KANK2: variants seen among roughly 807,000 people sequenced by gnomAD.
The protein encoded by KANK2 is KN motif and ankyrin repeat domain-containing protein 2.
KANK2 carries 41 observed loss-of-function variants against 74.6 expected under a neutral mutation model. The ratio of observed to expected loss-of-function variants is 0.55; its 90% CI spans 0.43 to 0.71. The LOEUF is 0.71. Among genes scored for constraint, KANK2 ranks in the 30% least tolerant of loss-of-function variants. The probability of loss-of-function intolerance (pLI) is 0.00; values close to 1 mark genes in which losing one functional copy is unlikely to be tolerated. For synonymous variants in KANK2, 537 were observed against 519.0 expected (o/e 1.03, Z -0.47); for missense variants, 1,148 against 1,196.4 (o/e 0.96, Z 0.60).
At chr19:11,178,238 A>C in intron 6 of KANK2, 107 bp downstream of exon 6, 2 of 1,022,110 alleles carry the variant, frequency 2.0e-6, no homozygotes, top group Non-Finnish European at 2.7e-6. Context: ...TAAACGAATT[A>C]ACCAAAGCAA....
chr19:11,186,306 T>C (rs1600819578), intron 4 of KANK2, among the ~76,000 whole-genome samples: 1 of 151,894 alleles, frequency 6.6e-6, no homozygotes, highest in Non-Finnish European at 1.5e-5. Flanking sequence ...AAGAATCGCT[T>C]GAACCTGGGA....
intron 9 of KANK2, among the ~76,000 whole-genome samples, chr19:11,174,174 A>C (rs535379782): frequency 6.6e-6 from 1 of 151,672 alleles, no homozygotes; most frequent in Non-Finnish European, 1.5e-5. Flanking sequence ...CCTCCATCAG[A>C]CTGGGAGGGC....
At chr19:11,167,591 G>A (rs1393461613) in intron 12 of KANK2, among the ~76,000 whole-genome samples, 6 of 150,256 alleles carry the variant, frequency 4.0e-5, no homozygotes, top group South Asian at 2.1e-4. Flanking sequence ...GCAGTGGCGC[G>A]ATCTCAGCTC....
chr19:11,183,160 T>C (rs2078578167), intron 4 of KANK2, among the ~76,000 whole-genome samples: 1 of 151,754 alleles, frequency 6.6e-6, no homozygotes, highest in African/African-American at 2.4e-5. Flanking sequence ...TGTGAGAGAG[T>C]AAAACATATT....
chr19:11,188,269 T>C (rs542589744), intron 4 of KANK2, among the ~76,000 whole-genome samples: 1 of 151,596 alleles, frequency 6.6e-6, no homozygotes, highest in Admixed American at 6.6e-5. Flanking sequence ...AGTGCAGCAA[T>C]GCGAGCTCAG....
rs1211658397 is a variant in KANK2, at chr19:11,166,411, G to A, written c.*147C>T. On this transcript the variant is annotated 3_prime_UTR_variant, in exon 13 of 13. Transcript: ENST00000586659. ...TCCTGTGGCCGTCGGGGCTCCCCCA[G>A]GGAAGCAGAGGGAGAGCTCGCTTGC... 1.4e-6 allele frequency: 1 copy of A among 704,308 alleles called. No homozygotes were observed. Among genetic ancestry groups the A allele is most frequent in the African/African-American group, 1.8e-5 (1 of 56,006 alleles). 43.6% of individuals were successfully genotyped at this position (704,308 alleles called of 1,614,324 possible). A position where few individuals can be genotyped will look rare whatever the true frequency, so the allele number is the denominator to read the frequency against.
chr19:11,186,818 T>A (rs2078689946), intron 4 of KANK2, among the ~76,000 whole-genome samples: 1 of 152,204 alleles, frequency 6.6e-6, no homozygotes, highest in Non-Finnish European at 1.5e-5. Context: ...CAGCCTTTTT[T>A]GGAAAGGATC....
At position 11,191,740 on chromosome 19, in the gene KANK2, G is replaced by C. The variant is rs2078852670; in HGVS notation, c.1249+1091C>G. Among the ~76,000 whole-genome samples, 2 of 152,198 alleles carry C rather than the reference G, an allele frequency of 1.3e-5. 1 individual carries two copies. The highest frequency in any genetic ancestry group is 3.8e-4 in the East Asian group (2 of 5,198). On this transcript the variant is annotated intron_variant, in intron 4 of 12. Coordinates refer to ENST00000586659, the MANE Select transcript of KANK2 (RefSeq NM_001136191.3). ...TCCCAGGGAAAACAAGAAGAGAAAG[G>C]CACCAAGTTAGATTCCTGATGATAT...
rs1158430082 is a variant in KANK2 at position 11,165,311 on chromosome 19, G to C, written c.*1247C>G. On this transcript the variant is annotated 3_prime_UTR_variant, in exon 13 of 13. Coordinates refer to ENST00000586659, the MANE Select transcript of KANK2 (RefSeq NM_001136191.3). ...GCCAACTTTTAATCGTACACACATG[G>C]GGTTTTTGGGAGCCGGCCCTGCGTT... 6.6e-6 allele frequency: 1 copy of C among 152,174 alleles called. No homozygotes were observed. Among genetic ancestry groups the C allele is most frequent in the Non-Finnish European group, 1.5e-5 (1 of 68,046 alleles). The allele number at this position is 152,174 out of a possible 1,614,324, so 9.4% of individuals were successfully genotyped here.
At chr19:11,197,254 TG>T (rs1210270457) in intron 1 of KANK2, 1 of 29,004 alleles carries the variant, frequency 3.4e-5, no homozygotes, top group Non-Finnish European at 6.6e-5. Context: ...GAGGAATCGA[TG>T]GGGGTATGGG....
At chr19:11,194,450 G>A in intron 3 of KANK2, 25 bp downstream of exon 3, 5 of 1,603,314 alleles carry the variant, frequency 3.1e-6, no homozygotes, top group Non-Finnish European at 4.3e-6. Context: ...CCCGGGGCAG[G>A]GCCCTCTTCC....
At position 11,174,684 on chromosome 19, in the gene KANK2, GGCC is replaced by G; in HGVS notation, c.1854_1856del (p.Ala619del). On this transcript the variant is annotated inframe_deletion, in exon 9 of 13. Transcript: ENST00000586659. The stretch of plus-strand genomic sequence containing the variant: ...GCCACTCCTGCAGCACTGTGGTGTA[GGCC>G]ACTTTCTGCATGCGAGTCAGGTGGG... 1 of 1,601,058 alleles carries G rather than the reference GGCC, an allele frequency of 6.2e-7. No homozygotes were observed. The highest frequency in any genetic ancestry group is 8.5e-7 in the Non-Finnish European group (1 of 1,173,912).
chr19:11,178,860 G>A (rs1394786693), intron 4 of KANK2, 140 bp from the exon 5 acceptor site: 2 of 728,920 alleles, frequency 2.7e-6, no homozygotes, highest in East Asian at 3.3e-5. Context: ...GCCCCTTGGA[G>A]GGAAATCGGA....
intron 12 of KANK2, among the ~76,000 whole-genome samples, chr19:11,168,901 A>G (rs1405578622): frequency 6.6e-6 from 1 of 152,174 alleles, no homozygotes; most frequent in Non-Finnish European, 1.5e-5. Context: ...TCAGCTCTTC[A>G]TAAACATCCG....
At chr19:11,186,798 C>A (rs17766560) in intron 4 of KANK2, among the ~76,000 whole-genome samples, 6 of 152,106 alleles carry the variant, frequency 3.9e-5, no homozygotes, top group African/African-American at 1.4e-4. Flanking sequence ...GTTAGGAGTG[C>A]GGATAGGGAC....
chr19:11,172,544 A>G (rs995883169), intron 10 of KANK2, among the ~76,000 whole-genome samples: 29 of 152,056 alleles, frequency 1.9e-4, no homozygotes, highest in African/African-American at 5.6e-4. Flanking sequence ...AGCTGAAGGG[A>G]GCGCTCAAAC....
intron 4 of KANK2, 116 bp from the exon 5 acceptor site, chr19:11,178,836 C>T: frequency 1.1e-6 from 1 of 905,426 alleles, no homozygotes; most frequent in Non-Finnish European, 1.6e-6. Context: ...TGTGTTACCA[C>T]ATCCAGTCTT....
chr19:11,184,241 T>C (rs1161390135), intron 4 of KANK2, among the ~76,000 whole-genome samples: 1 of 140,410 alleles, frequency 7.1e-6, no homozygotes, highest in Non-Finnish European at 1.6e-5. Flanking sequence ...CAGAGTATGC[T>C]GGCAGGCACC....
At chr19:11,187,664 G>A (rs1285350583) in intron 4 of KANK2, among the ~76,000 whole-genome samples, 2 of 152,194 alleles carry the variant, frequency 1.3e-5, no homozygotes, top group Non-Finnish European at 2.9e-5. Flanking sequence ...TTGGAACGCA[G>A]CCACGTTCGT....
Sources: allele counts gnomAD v4.1 joint callset (sites outside exome capture counted in the v4.1 genomes callset), GRCh38; gene constraint gnomAD v4.1.1; transcripts MANE v1.5; gene names NCBI Gene and HGNC (gene_info 2026-07-23, HGNC 2026-07-21).